MAGEC3: variants seen among roughly 807,000 people sequenced by gnomAD.
MAGEC3 encodes melanoma-associated antigen C3.
A neutral mutation model predicts 35.3 loss-of-function variants in MAGEC3; 34 were observed. That is an observed-to-expected ratio of 0.96 (90% CI 0.73 to 1.28). The LOEUF is 1.28. Ranked by LOEUF, MAGEC3 falls within the 50% of genes most tolerant of loss-of-function variation. MAGEC3 has a pLI of 0.00. For missense variants in MAGEC3, 561 were observed against 483.6 expected (o/e 1.16, Z -1.50); for synonymous variants, 202 against 185.6 (o/e 1.09, Z -0.72).
At position 141,897,762 on chromosome X, in the gene MAGEC3, C is replaced by A; in HGVS notation, c.1862C>A (p.Thr621Asn). The A allele has an allele frequency of 8.3e-7, 1 of 1,210,635 alleles. No individual in the cohort carries two copies. The change falls in exon 8 of 8, where the codon ACC becomes AAC. Residue 621 changes from threonine (T) to asparagine (N), a missense_variant. Thr to Asn is a moderately conservative substitution (Grantham distance 65, BLOSUM62 0). Transcript: ENST00000298296. The part of the protein sequence containing the change: ...MEDRAQAIID[T>N]TDDATAMASA... ...GACAGAGCCCAGGCCATAATTGACA[C>A]CACAGATGATGCTACTGCCATGGCC...
intron 4 of MAGEC3, 56 bp from the exon 5 acceptor site, chrX:141,895,213 G>C (rs1368168027): frequency 3.5e-6 from 4 of 1,138,156 alleles, no homozygotes; most frequent in Non-Finnish European, 3.6e-6. Context: ...GCGGAGAGGT[G>C]GGGGGTGGTT....
In MAGEC3 at chrX:141,842,027, G is replaced by A. The variant is rs888819324; in HGVS notation, c.123+3589G>A. On this transcript the variant is annotated intron_variant, in intron 1 of 7. Coordinates refer to ENST00000298296, the MANE Select transcript of MAGEC3 (RefSeq NM_138702.1). The stretch of plus-strand genomic sequence containing the variant: ...ATTTCTAGTGTGATAATTAGGTATT[G>A]AGAAAGTTGGAAGTGTATGAATATT... 1.2e-4 allele frequency among the ~76,000 whole-genome samples: 13 copies of A among 111,764 alleles called. No homozygotes were observed. The Admixed American group carries it at 1.2e-3, about 11-fold the overall frequency.
intron 2 of MAGEC3, among the ~76,000 whole-genome samples, chrX:141,866,099 A>T (rs183843455): frequency 3.5e-4 from 39 of 111,703 alleles, no homozygotes; most frequent in African/African-American, 9.4e-4. Context: ...CAGGGACCTC[A>T]CAGAATCCAG....
chrX:141,868,041 T>C (rs2017861698), intron 2 of MAGEC3, among the ~76,000 whole-genome samples: 1 of 110,084 alleles, frequency 9.1e-6, no homozygotes, highest in South Asian at 3.9e-4. Flanking sequence ...CAGAATGGTG[T>C]GAACCCGGGA....
intron 4 of MAGEC3, among the ~76,000 whole-genome samples, chrX:141,885,097 C>G (rs1444235268): frequency 8.9e-6 from 1 of 111,993 alleles, no homozygotes; most frequent in Non-Finnish European, 1.9e-5. Context: ...CCCAAAATCC[C>G]TGTTGTTTTC....
In MAGEC3 at chrX:141,879,368, GCTACACCCTTTCCCTTC is replaced by G. The variant is rs372869684; in HGVS notation, c.455_471del (p.Tyr152CysfsTer29). 11,747 of 1,193,059 alleles carry G rather than the reference GCTACACCCTTTCCCTTC, an allele frequency of 9.8e-3. 590 individuals carry two copies. The African/African-American group carries it at 0.16, about 17-fold the overall frequency. ...CTTCCAACATGGAGGAGAGGCACAG[GCTACACCCTTTCCCTTC>G]CTGCCGTCAGCCCTGGAAAAAGGTT... On this transcript the variant is annotated frameshift_variant, in exon 3 of 8. Coordinates refer to ENST00000298296, the MANE Select transcript of MAGEC3 (RefSeq NM_138702.1). LOFTEE classifies it high-confidence loss of function.
chrX:141,881,928 G>A, intron 4 of MAGEC3, 132 bp downstream of exon 4: 6 of 892,621 alleles, frequency 6.7e-6, no homozygotes, highest in Non-Finnish European at 8.0e-6. Context: ...AATTCCTGTG[G>A]GGTCCTAGAG....
chrX:141,893,475 AATG>A (rs768771018), intron 4 of MAGEC3, among the ~76,000 whole-genome samples: 1 of 110,910 alleles, frequency 9.0e-6, no homozygotes, highest in Non-Finnish European at 1.9e-5. Context: ...GTGATACTGT[AATG>A]ATGAATACTC....
At chrX:141,839,613 A>C in intron 1 of MAGEC3, 2 of 753,765 alleles carry the variant, frequency 2.7e-6, no homozygotes, top group Non-Finnish European at 3.1e-6. Context: ...CACCAAAACA[A>C]GTGTTTATTC....
chrX:141,883,047 A>G (rs1281435582), intron 4 of MAGEC3, among the ~76,000 whole-genome samples: 3 of 111,896 alleles, frequency 2.7e-5, no homozygotes, highest in African/African-American at 9.8e-5. Context: ...TTCTGGGTGG[A>G]TGATGAGGGA....
At chrX:141,847,562 A>C (rs1227988968) in intron 1 of MAGEC3, among the ~76,000 whole-genome samples, 3 of 111,806 alleles carry the variant, frequency 2.7e-5, no homozygotes, top group African/African-American at 9.7e-5. Context: ...CAAAGAAATA[A>C]ATTTGTGAAA....
intron 1 of MAGEC3, among the ~76,000 whole-genome samples, chrX:141,844,625 A>G (rs947005798): frequency 1.8e-5 from 2 of 111,283 alleles, no homozygotes; most frequent in African/African-American, 6.5e-5. Flanking sequence ...TTAGTTACAT[A>G]TATGTGAGAC....
At position 141,838,412 on chromosome X, in the gene MAGEC3, C is replaced by T. The variant is rs753669253; in HGVS notation, c.97C>T (p.Pro33Ser). ...KNTCATYALS[P>S]VVLPPQPQPR... Reference sequence around the variant, plus strand: ...CACATGTGCCACATATGCCTTATCCCCAGTGGTGCTCCCACCTCAGCCCCA... The same window carrying T: ...CACATGTGCCACATATGCCTTATCCTCAGTGGTGCTCCCACCTCAGCCCCA... The change falls in exon 1 of 8, where the codon CCA becomes TCA. Residue 33 changes from proline to serine, a missense_variant. Coordinates refer to ENST00000298296, the MANE Select transcript of MAGEC3 (RefSeq NM_138702.1). 2.5e-6 allele frequency: 3 copies of T among 1,210,359 alleles called. No individual in the cohort carries two copies. The highest frequency in any genetic ancestry group is 1.1e-6 in the Non-Finnish European group (1 of 894,438).
At chrX:141,879,139 G>A (rs1264047345) in intron 2 of MAGEC3, 36 bp from the exon 3 acceptor site, 3 of 1,144,410 alleles carry the variant, frequency 2.6e-6, no homozygotes, top group Admixed American at 5.4e-5. Context: ...CCCATGACTG[G>A]TAGTGCCCCT....
chrX:141,870,247 C>G (rs1459618704), intron 2 of MAGEC3, among the ~76,000 whole-genome samples: 1 of 111,308 alleles, frequency 9.0e-6, no homozygotes, highest in Non-Finnish European at 1.9e-5. Context: ...AAATTTTACC[C>G]TTGCATTAGT....
chrX:141,870,155 A>G (rs1245301959), intron 2 of MAGEC3, among the ~76,000 whole-genome samples: 1 of 112,075 alleles, frequency 8.9e-6, no homozygotes, highest in African/African-American at 3.3e-5. Flanking sequence ...TTTTGCCAAA[A>G]TGATGAGTTA....
intron 1 of MAGEC3, among the ~76,000 whole-genome samples, chrX:141,848,537 C>T (rs1043082821): frequency 9.1e-6 from 1 of 110,380 alleles, no homozygotes; most frequent in Non-Finnish European, 1.9e-5. Context: ...AATAGCCAAA[C>T]GAAAGTGAAA....
At chrX:141,890,309 A>T (rs1039864605) in intron 4 of MAGEC3, among the ~76,000 whole-genome samples, 1 of 110,741 alleles carries the variant, frequency 9.0e-6, no homozygotes, top group African/African-American at 3.3e-5. Context: ...AGTTCAAGTG[A>T]TTTTCCTGCA....
Position 141,865,461 on chromosome X carries a change from A to T in MAGEC3, c.124-10A>T. ...AGCCTAGTCCTGCCCCTGATATTTG[A>T]CCTGAGTAGCCCCGGAAAAAGGCCA... is the stretch of plus-strand genomic sequence containing the variant. On this transcript the variant is annotated splice_polypyrimidine_tract_variant and intron_variant, in intron 1 of 7. Coordinates refer to ENST00000298296, the MANE Select transcript of MAGEC3 (RefSeq NM_138702.1). 1 of 1,203,080 alleles carries T rather than the reference A, an allele frequency of 8.3e-7. No individual in the cohort carries two copies. The highest frequency in any genetic ancestry group is 3.0e-5 in the East Asian group (1 of 33,626).
Sources: gnomAD v4.1 joint callset for allele counts (sites outside exome capture counted in the v4.1 genomes callset) on GRCh38, gnomAD v4.1.1 for gene constraint, MANE v1.5 for transcripts, NCBI Gene and HGNC (gene_info 2026-07-23, HGNC 2026-07-21) for gene names.